Variants in HIVEP3 observed in about 807,000 individuals in gnomAD.
HIVEP3 encodes the protein HIVEP zinc finger 3, also known as transcription factor HIVEP3.
HIVEP3 carries 49 observed loss-of-function variants against 152.8 expected under a neutral mutation model. The ratio of observed to expected loss-of-function variants is 0.32; its 90% CI spans 0.26 to 0.41. The LOEUF (loss-of-function observed/expected upper bound fraction) is 0.41, where lower values mean the gene tolerates loss of function less well. HIVEP3 is among the 10% of genes least tolerant of loss of function. The pLI, the probability that HIVEP3 is intolerant of heterozygous loss-of-function variation, is 1.00. For missense variants in HIVEP3, 2,790 were observed against 3,103.3 expected (o/e 0.90, Z 2.40); for synonymous variants, 1,269 against 1,289.0 (o/e 0.98, Z 0.33).
At chr1:41,655,747 C>T (rs1480789464) in intron 2 of HIVEP3, among the ~76,000 whole-genome samples, 1 of 152,090 alleles carries the variant, frequency 6.6e-6, no homozygotes, top group African/African-American at 2.4e-5. Context: ...TCACGATTGG[C>T]CTCCCTCCAC....
chr1:41,696,636 G>A (rs1646280796), intron 2 of HIVEP3, among the ~76,000 whole-genome samples: 1 of 152,218 alleles, frequency 6.6e-6, no homozygotes, highest in Non-Finnish European at 1.5e-5. Flanking sequence ...AAACAGCTGT[G>A]GCAGCTGCTG....
At chr1:41,696,554 A>G (rs1434632647) in intron 2 of HIVEP3, among the ~76,000 whole-genome samples, 2 of 152,258 alleles carry the variant, frequency 1.3e-5, no homozygotes, top group Non-Finnish European at 2.9e-5. Flanking sequence ...TGCACCCGCC[A>G]GACACACTGA....
intron 1 of HIVEP3, among the ~76,000 whole-genome samples, chr1:42,014,729 C>A (rs1645512248): frequency 6.6e-6 from 1 of 152,158 alleles, no homozygotes; most frequent in Non-Finnish European, 1.5e-5. Context: ...TGATCAATAA[C>A]AAATTTAGGT....
intron 1 of HIVEP3, among the ~76,000 whole-genome samples, chr1:42,004,949 T>C (rs1645449966): frequency 6.6e-6 from 1 of 152,230 alleles, no homozygotes; most frequent in Non-Finnish European, 1.5e-5. Context: ...AATATGTCTG[T>C]CGCCTAGTTC....
In HIVEP3 at chr1:41,581,979, A is replaced by C; in HGVS notation, c.2819T>G (p.Leu940Trp). 1 of 1,614,130 alleles carries C rather than the reference A, an allele frequency of 6.2e-7. No individual in the cohort carries two copies. Among genetic ancestry groups the C allele is most frequent in the Non-Finnish European group, 8.5e-7 (1 of 1,180,030 alleles). ...RSPSQESNVS[L>W]SGSSRSASFE... Reference sequence around the variant, plus strand: ...CGAGGCTGAGCGGCTGGACCCACTCAAAGAGACATTGCTTTCCTGGCTCGG... The same window carrying C: ...CGAGGCTGAGCGGCTGGACCCACTCCAAGAGACATTGCTTTCCTGGCTCGG... The change falls in exon 4 of 9, where the codon TTG (leucine) becomes TGG (tryptophan). Residue 940 changes from leucine (L) to tryptophan (W), a missense_variant. Physicochemically the swap from Leu to Trp is moderately conservative, Grantham distance 61. Around this residue, in one of 9 missense-constraint regions of HIVEP3, gnomAD observed 1,078 missense variants for 1,165.3 expected, o/e 0.93. Transcript: ENST00000372583. This position sits in a 1 kb window ranked among gnomAD's most constrained non-coding sequence, Gnocchi z 4.5.
At chr1:41,538,309 G>C (rs1643448077) in intron 5 of HIVEP3, among the ~76,000 whole-genome samples, 1 of 152,104 alleles carries the variant, frequency 6.6e-6, no homozygotes, top group Admixed American at 6.5e-5. Flanking sequence ...ACAGAGGCGA[G>C]GGCAAGAGGA....
At position 41,965,866 on chromosome 1, in the gene HIVEP3, G is replaced by A. The variant is rs533361230; in HGVS notation, n.120-47342C>T. Among the ~76,000 whole-genome samples, 10 of 152,210 alleles carry A rather than the reference G, an allele frequency of 6.6e-5. No individual in the cohort carries two copies. In the South Asian group the frequency reaches 2.1e-3, roughly 32 times the overall value. On this transcript the variant is annotated intron_variant and non_coding_transcript_variant, in intron 1 of 3. Coordinates refer to the HIVEP3 transcript ENST00000489103. The stretch of plus-strand genomic sequence containing the variant: ...CAAGACAGGCCAACATTCAAATTCA[G>A]GAAATCCAGAGAACTCCAGTAAAAT...
chr1:41,605,365 ACG>A (rs1196821396), intron 3 of HIVEP3, among the ~76,000 whole-genome samples: 2 of 124,388 alleles, frequency 1.6e-5, no homozygotes, highest in Admixed American at 8.9e-5. Context: ...ACATACACAC[ACG>A]CACACGCGCA....
chr1:41,966,280 G>A (rs1645197087), intron 1 of HIVEP3, among the ~76,000 whole-genome samples: 1 of 151,990 alleles, frequency 6.6e-6, no homozygotes, highest in Admixed American at 6.6e-5. Flanking sequence ...AAAACACACT[G>A]AAGTACACAG....
chr1:41,872,392 A>C (rs1423676275), intron 1 of HIVEP3, among the ~76,000 whole-genome samples: 4 of 152,270 alleles, frequency 2.6e-5, no homozygotes. Flanking sequence ...GGATTGGCCA[A>C]GACCCAGCTA....
At chr1:41,794,642 T>A (rs1293827993) in intron 1 of HIVEP3, among the ~76,000 whole-genome samples, 1 of 152,204 alleles carries the variant, frequency 6.6e-6, no homozygotes, top group Admixed American at 6.5e-5. Flanking sequence ...TTTTAAAAAC[T>A]GCCATTTTGA....
rs1265354724 is a variant in HIVEP3 at position 41,582,123 on chromosome 1, G to A, written c.2675C>T (p.Thr892Ile). The A allele has an allele frequency of 1.2e-6, 2 of 1,614,172 alleles. No homozygotes were observed. The highest frequency in any genetic ancestry group is 1.7e-6 in the Non-Finnish European group (2 of 1,180,022). Reference sequence around the variant, plus strand: ...CTTCTCAGCTGGGAGCTGGGCAAGTGTCTGGCTGCGCTGGGGCCATTGGAA... The same window carrying A: ...CTTCTCAGCTGGGAGCTGGGCAAGTATCTGGCTGCGCTGGGGCCATTGGAA... ...EEFQWPQRSQTLAQLPAEKLP... is the reference protein window; with the variant it reads ...EEFQWPQRSQILAQLPAEKLP... The change falls in exon 4 of 9, where the codon ACA becomes ATA. Residue 892 changes from threonine (T) to isoleucine (I), a missense_variant. Physicochemically the swap from Thr to Ile is moderately conservative, Grantham distance 89. Around this residue, in one of 9 missense-constraint regions of HIVEP3, gnomAD observed 1,078 missense variants for 1,165.3 expected, o/e 0.93. Transcript: ENST00000372583. The surrounding 1 kb of genome is among the most constrained non-coding windows in gnomAD (Gnocchi z 4.7).
chr1:41,516,459 C>T (rs1323530309), intron 7 of HIVEP3, among the ~76,000 whole-genome samples: 3 of 152,212 alleles, frequency 2.0e-5, no homozygotes, highest in Admixed American at 1.3e-4. Flanking sequence ...TCCTTGGAGT[C>T]CTCCATGGCT....
At position 41,593,250 on chromosome 1, in the gene HIVEP3, G is replaced by A. The variant is rs148418375; in HGVS notation, c.-521-7932C>T. On this transcript the variant is annotated intron_variant, in intron 3 of 8. Coordinates refer to ENST00000372583, the MANE Select transcript of HIVEP3 (RefSeq NM_024503.5). ...TCCCCACATGCCCCTCCCCAGAGAA[G>A]CTACAGTTAATTTAATATATGTTCT... Among the ~76,000 whole-genome samples, 206 of 152,282 alleles carry A rather than the reference G, an allele frequency of 1.4e-3. 1 individual carries two copies. The highest frequency in any genetic ancestry group is 4.8e-3 in the African/African-American group (201 of 41,548).
chr1:41,622,143 C>T (rs1330303880), intron 3 of HIVEP3, among the ~76,000 whole-genome samples: 1 of 152,238 alleles, frequency 6.6e-6, no homozygotes, highest in Non-Finnish European at 1.5e-5. Context: ...TATACAGCAG[C>T]ACCCTGCTGG....
chr1:41,673,768 A>G (rs565183472), intron 2 of HIVEP3, among the ~76,000 whole-genome samples: 1 of 152,336 alleles, frequency 6.6e-6, no homozygotes, highest in African/African-American at 2.4e-5. Context: ...GAGCTAGGGA[A>G]GAAGGGATAA....
intron 1 of HIVEP3, among the ~76,000 whole-genome samples, chr1:41,812,888 T>TG (rs1415699242): frequency 7.4e-4 from 17 of 22,976 alleles, no homozygotes; most frequent in African/African-American, 2.3e-3. Flanking sequence ...GTGGAGGGGG[T>TG]GGGGGGCGGT....
intron 1 of HIVEP3, among the ~76,000 whole-genome samples, chr1:41,705,919 C>T (rs1005703269): frequency 6.6e-6 from 1 of 152,204 alleles, no homozygotes; most frequent in African/African-American, 2.4e-5. Context: ...AACTAGGGTA[C>T]AGCTATATCA....
At chr1:41,683,274 C>G (rs1290024253) in intron 2 of HIVEP3, among the ~76,000 whole-genome samples, 1 of 152,174 alleles carries the variant, frequency 6.6e-6, no homozygotes, top group South Asian at 2.1e-4. Flanking sequence ...ATTTGCAGTC[C>G]GTGTGCCTCA....
Sources: allele counts gnomAD v4.1 joint callset (sites outside exome capture counted in the v4.1 genomes callset), GRCh38; gene constraint gnomAD v4.1.1; regional missense constraint gnomAD v4.1.1; non-coding constraint Gnocchi (gnomAD v3.1); transcripts MANE v1.5; gene names NCBI Gene and HGNC (gene_info 2026-07-23, HGNC 2026-07-21).